RGS6: variants seen among roughly 807,000 people sequenced by gnomAD.
RGS6 encodes regulator of G protein signaling 6.
In RGS6, 30 loss-of-function variants were observed where a neutral mutation model predicts 78.5. The observed-to-expected ratio is 0.38, with a 90% confidence interval of 0.29 to 0.52. RGS6 has a LOEUF of 0.52. RGS6 is among the 20% of genes least tolerant of loss of function. RGS6 has a pLI of 0.85. For synonymous variants in RGS6, 206 were observed against 206.0 expected (o/e 1.00, Z 0.00); for missense variants, 495 against 609.7 (o/e 0.81, Z 1.98).
intron 2 of RGS6, among the ~76,000 whole-genome samples, chr14:72,244,835 T>A (rs975301902): frequency 5.1e-4 from 77 of 152,238 alleles, no homozygotes; most frequent in Non-Finnish European, 8.2e-4. Context: ...GGTCTTTTTT[T>A]TTTTTTGAGA....
chr14:72,128,184 A>T (rs1374723090), intron 2 of RGS6, among the ~76,000 whole-genome samples: 1 of 152,220 alleles, frequency 6.6e-6, no homozygotes, highest in Non-Finnish European at 1.5e-5. Flanking sequence ...AAGGAGAGTA[A>T]GATTAAAGAG....
intron 2 of RGS6, among the ~76,000 whole-genome samples, chr14:72,309,465 T>C (rs963887048): frequency 6.6e-5 from 10 of 152,198 alleles, no homozygotes; most frequent in Non-Finnish European, 1.3e-4. Context: ...ATGTGTCTTA[T>C]TGGGAGACGG....
intron 3 of RGS6, among the ~76,000 whole-genome samples, chr14:72,356,372 C>T (rs1043457614): frequency 3.9e-5 from 6 of 152,156 alleles, no homozygotes; most frequent in Non-Finnish European, 8.8e-5. Flanking sequence ...TACCTTCTGC[C>T]AGGATTGTAA....
At chr14:72,237,747 A>G (rs1373501478) in intron 2 of RGS6, among the ~76,000 whole-genome samples, 1 of 152,176 alleles carries the variant, frequency 6.6e-6, no homozygotes, top group African/African-American at 2.4e-5. Flanking sequence ...GAGAGGGAGC[A>G]TGCAGGTGAG....
chr14:72,434,366 A>G lies in RGS6; in HGVS notation c.185-20162A>G, dbSNP rs191013133. On this transcript the variant is annotated intron_variant, in intron 3 of 17. Transcript: ENST00000553525. ...AAGTTTTCATTTTTAATTTTTTAAA[A>G]AATGTTTTTAATGTATCTCAAGCCC... Among the ~76,000 whole-genome samples the G allele has an allele frequency of 1.6e-4, 24 of 152,330 alleles. No individual in the cohort carries two copies. The East Asian group carries it at 4.4e-3, about 28-fold the overall frequency.
chr14:71,965,776 G>T (rs1000845637), intron 2 of RGS6, among the ~76,000 whole-genome samples: 3 of 151,870 alleles, frequency 2.0e-5, no homozygotes, highest in African/African-American at 7.3e-5. Context: ...AGATTTCTGT[G>T]TCTGTGTGAA....
rs187372412 is a variant in RGS6 at position 72,151,131 on chromosome 14, C to T, written c.84+186256C>T. Reference sequence around the variant, plus strand: ...CAAAGGGACACGTAGAACGAAGACCCGGGTGTGTAACCCAAATGCCTAACA... The same window carrying T: ...CAAAGGGACACGTAGAACGAAGACCTGGGTGTGTAACCCAAATGCCTAACA... On this transcript the variant is annotated intron_variant, in intron 2 of 17. Coordinates refer to ENST00000553525, the MANE Select transcript of RGS6 (RefSeq NM_001204424.2). Among the ~76,000 whole-genome samples, 87 of 152,276 alleles carry T rather than the reference C, an allele frequency of 5.7e-4. 1 individual carries two copies. Among genetic ancestry groups the T allele is most frequent in the Non-Finnish European group, 1.1e-3 (73 of 68,036 alleles).
At chr14:72,417,077 C>T (rs1246039351) in intron 3 of RGS6, among the ~76,000 whole-genome samples, 1 of 152,188 alleles carries the variant, frequency 6.6e-6, no homozygotes, top group Non-Finnish European at 1.5e-5. Flanking sequence ...CGTCACCCTT[C>T]AGGGATTTAT....
chr14:72,427,919 G>A (rs561933798), intron 3 of RGS6, among the ~76,000 whole-genome samples: 10 of 152,262 alleles, frequency 6.6e-5, no homozygotes, highest in East Asian at 3.9e-4. Context: ...GAGGAATGTC[G>A]TGAAGGGCAT....
chr14:72,545,231 C>T (rs1307885049), intron 17 of RGS6, among the ~76,000 whole-genome samples: 1 of 152,258 alleles, frequency 6.6e-6, no homozygotes, highest in Non-Finnish European at 1.5e-5. Flanking sequence ...CCAGCCTCTC[C>T]CATCTCAGAG....
In RGS6 at chr14:72,228,464, G is replaced by A. The variant is rs527438040; in HGVS notation, c.85-123631G>A. Among the ~76,000 whole-genome samples, 4 of 152,260 alleles carry A rather than the reference G, an allele frequency of 2.6e-5. No homozygotes were observed. The East Asian group carries it at 7.7e-4, about 29-fold the overall frequency. ...AATACGTTCATCATCTTGTTAGTAG[G>A]GACCCATTGGAGGGTTTTAATCAAG... On this transcript the variant is annotated intron_variant, in intron 2 of 17. Transcript: ENST00000553525.
intron 2 of RGS6, among the ~76,000 whole-genome samples, chr14:72,176,586 C>T (rs2097107786): frequency 6.6e-6 from 1 of 152,156 alleles, no homozygotes; most frequent in Non-Finnish European, 1.5e-5. Context: ...GAGCCAAGAG[C>T]AAGCCTGAAG....
intron 2 of RGS6, among the ~76,000 whole-genome samples, chr14:72,280,033 A>T (rs776112755): frequency 6.6e-6 from 1 of 152,196 alleles, no homozygotes; most frequent in African/African-American, 2.4e-5. Context: ...TTTGATGCAC[A>T]TAAAAATTAT....
In RGS6 at chr14:72,278,643, G is replaced by A. The variant is rs182389958; in HGVS notation, c.85-73452G>A. ...GTTTTATATACTTAGAAATAAATAC[G>A]GAATTTGTTACAGGAACGTGGCCTT... On this transcript the variant is annotated intron_variant, in intron 2 of 17. Transcript: ENST00000553525. Among the ~76,000 whole-genome samples, 41 of 152,188 alleles carry A rather than the reference G, an allele frequency of 2.7e-4. 1 individual carries two copies. In the East Asian group the frequency reaches 6.8e-3, roughly 25 times the overall value.
chr14:72,579,832 TA>T, the RGS6 span, among the ~76,000 whole-genome samples: 1 of 152,120 alleles, frequency 6.6e-6, no homozygotes, highest in Non-Finnish European at 1.5e-5. Flanking sequence ...CTGAAGTAAC[TA>T]AGATCTTCAG....
intron 3 of RGS6, among the ~76,000 whole-genome samples, chr14:72,402,296 C>T (rs1160388149): frequency 6.6e-6 from 1 of 152,182 alleles, no homozygotes; most frequent in African/African-American, 2.4e-5. Context: ...GAAGTACTTC[C>T]TGCTTCAAGG....
the RGS6 span, among the ~76,000 whole-genome samples, chr14:71,910,720 C>T: frequency 7.9e-5 from 12 of 152,018 alleles, no homozygotes; most frequent in African/African-American, 2.4e-4. Flanking sequence ...GAGGTGACTT[C>T]GTGGGTGGTG....
the RGS6 span, among the ~76,000 whole-genome samples, chr14:71,900,956 G>C: frequency 6.6e-6 from 1 of 152,100 alleles, no homozygotes; most frequent in African/African-American, 2.4e-5. Context: ...TTAACAACCA[G>C]ATCATGTGTG....
At chr14:72,435,684 C>T (rs2094871945) in intron 3 of RGS6, among the ~76,000 whole-genome samples, 1 of 152,016 alleles carries the variant, frequency 6.6e-6, no homozygotes, top group Non-Finnish European at 1.5e-5. Flanking sequence ...GTGGCCCTTT[C>T]CTCTGTCTTC....
Sources: allele counts gnomAD v4.1 joint callset (sites outside exome capture counted in the v4.1 genomes callset), GRCh38; gene constraint gnomAD v4.1.1; transcripts MANE v1.5; gene names NCBI Gene and HGNC (gene_info 2026-07-23, HGNC 2026-07-21).